HRK: variants seen among roughly 807,000 people sequenced by gnomAD.
The protein encoded by HRK is harakiri, BCL2 interacting protein.
In HRK, 6 loss-of-function variants were observed where a neutral mutation model predicts 5.9. The ratio of observed to expected loss-of-function variants is 1.02; its 90% confidence interval spans 0.56 to 2.01. The LOEUF (loss-of-function observed/expected upper bound fraction) is 2.01. HRK is among the 30% of genes most tolerant of loss of function. The pLI is 0.00. For missense variants in HRK, 133 were observed against 128.3 expected (o/e 1.04, Z -0.18); for synonymous variants, 85 against 65.1 (o/e 1.31, Z -1.47).
chr12:116,864,565 A>T (rs1388072397), intron 1 of HRK, among the ~76,000 whole-genome samples: 1 of 152,188 alleles, frequency 6.6e-6, no homozygotes, highest in African/African-American at 2.4e-5. Context: ...GGAAAAAGGA[A>T]GCGTGGCTTA....
rs1282909686 is a variant in HRK, at chr12:116,859,613, T to C, written c.*1910A>G. 6.6e-6 allele frequency: 1 copy of C among 150,492 alleles called. No homozygotes were observed. Among genetic ancestry groups the C allele is most frequent in the Non-Finnish European group, 1.5e-5 (1 of 67,762 alleles). 9.3% of individuals were successfully genotyped at this position (150,492 alleles called of 1,614,324 possible). ...GGCACGAGTAATGAGGAGAAACACGTTCTCCCAAAATAAGCATTATTCTTC... is the reference window on the plus strand; with the variant it reads ...GGCACGAGTAATGAGGAGAAACACGCTCTCCCAAAATAAGCATTATTCTTC... On this transcript the variant is annotated 3_prime_UTR_variant, in exon 2 of 2. Transcript: ENST00000257572.
At chr12:116,870,069 G>C (rs1342565420) in intron 1 of HRK, among the ~76,000 whole-genome samples, 1 of 151,334 alleles carries the variant, frequency 6.6e-6, no homozygotes, top group Non-Finnish European at 1.5e-5. Context: ...AACAGAGTGA[G>C]ACTCCATCTA....
At chr12:116,873,790 A>G (rs1878839746) in intron 1 of HRK, among the ~76,000 whole-genome samples, 1 of 152,176 alleles carries the variant, frequency 6.6e-6, no homozygotes, top group Non-Finnish European at 1.5e-5. Context: ...GAAAGCAGCC[A>G]TCTTGGATAA....
intron 1 of HRK, among the ~76,000 whole-genome samples, chr12:116,873,561 T>C (rs1301269591): frequency 6.6e-6 from 1 of 151,790 alleles, no homozygotes; most frequent in East Asian, 1.9e-4. Context: ...TTTGTAGAGA[T>C]GGGGTCTCAC....
In HRK at chr12:116,878,591, C is replaced by A. The variant is rs1879022963; in HGVS notation, c.*56+2385G>T. The stretch of plus-strand genomic sequence containing the variant: ...AGGGCCAGTGCAGGGAGCCCGAGCA[C>A]TGAGAACCCGGCCTGGGAGCGCAGG... On this transcript the variant is annotated intron_variant, in intron 1 of 1. Coordinates refer to ENST00000257572, the MANE Select transcript of HRK (RefSeq NM_003806.4). The surrounding 1 kb of genome is among the most constrained non-coding windows in gnomAD (Gnocchi z 4.4). The A allele has an allele frequency of 6.5e-6, 1 of 152,676 alleles. No homozygotes were observed. The highest frequency in any genetic ancestry group is 1.5e-5 in the Non-Finnish European group (1 of 68,428). The allele number at this position is 152,676 out of a possible 1,614,324, so 9.5% of individuals were successfully genotyped here. A position where few individuals can be genotyped will look rare whatever the true frequency, so the allele number is the denominator to read the frequency against.
In HRK at chr12:116,860,235, GAGTCTTTGCAGCCA is replaced by G; in HGVS notation, c.*1274_*1287del. 1 of 152,322 alleles carries G rather than the reference GAGTCTTTGCAGCCA, an allele frequency of 6.6e-6. No individual in the cohort carries two copies. The highest frequency in any genetic ancestry group is 6.5e-5 in the Admixed American group (1 of 15,288). 9.4% of individuals were successfully genotyped at this position (152,322 alleles called of 1,614,324 possible). A position where few individuals can be genotyped will look rare whatever the true frequency, so the allele number is the denominator to read the frequency against. On this transcript the variant is annotated 3_prime_UTR_variant, in exon 2 of 2. Transcript: ENST00000257572. Reference sequence around the variant, plus strand: ...CAAAAAATAATCACTGCTCCCTGAAGAGTCTTTGCAGCCAAGTCTCCGTCCAGCACACATCTTTT... The same window carrying G: ...CAAAAAATAATCACTGCTCCCTGAAGAGTCTCCGTCCAGCACACATCTTTT...
intron 1 of HRK, among the ~76,000 whole-genome samples, chr12:116,870,612 A>G (rs1332654814): frequency 6.6e-6 from 1 of 152,192 alleles, no homozygotes; most frequent in East Asian, 1.9e-4. Flanking sequence ...CAGGAGTTCC[A>G]GACCAGACTG....
chr12:116,859,529 A>G lies in HRK; in HGVS notation c.*1994T>C, dbSNP rs1422875058. 1 of 152,116 alleles carries G rather than the reference A, an allele frequency of 6.6e-6. No individual in the cohort carries two copies. Among genetic ancestry groups the G allele is most frequent in the Non-Finnish European group, 1.5e-5 (1 of 68,016 alleles). 9.4% of individuals were successfully genotyped at this position (152,116 alleles called of 1,614,324 possible). On this transcript the variant is annotated 3_prime_UTR_variant, in exon 2 of 2. Transcript: ENST00000257572. ...TCGTAGCTTTGTGGGAATATTACCCACTGCTCTCTGCAGTCCCCAGCTAAG... is the reference window on the plus strand; with the variant it reads ...TCGTAGCTTTGTGGGAATATTACCCGCTGCTCTCTGCAGTCCCCAGCTAAG...
chr12:116,868,823 G>A (rs1878639670), intron 1 of HRK, among the ~76,000 whole-genome samples: 1 of 152,186 alleles, frequency 6.6e-6, no homozygotes, highest in Non-Finnish European at 1.5e-5. Context: ...TCCCAGCCCT[G>A]TCAGAGTGGC....
In HRK at chr12:116,881,153, C is replaced by T; in HGVS notation, c.155G>A (p.Arg52His). The change falls in exon 1 of 2, where the codon CGC (arginine) becomes CAC (histidine). Residue 52 changes from arginine to histidine, a missense_variant. Coordinates refer to ENST00000257572, the MANE Select transcript of HRK (RefSeq NM_003806.4). ...DELHQRTMWR[R>H]RARSRRAPAP... ...CGGCGCCCTCCGGCTCCGCGCGCGGCGCCGCCACATGGTGCGCTGGTGCAG... is the reference window on the plus strand; with the variant it reads ...CGGCGCCCTCCGGCTCCGCGCGCGGTGCCGCCACATGGTGCGCTGGTGCAG... 8.5e-7 allele frequency: 1 copy of T among 1,182,988 alleles called. No individual in the cohort carries two copies. The highest frequency in any genetic ancestry group is 1.0e-6 in the Non-Finnish European group (1 of 958,312). 73.3% of individuals were successfully genotyped at this position (1,182,988 alleles called of 1,614,324 possible). A position where few individuals can be genotyped will look rare whatever the true frequency, so the allele number is the denominator to read the frequency against.
At chr12:116,864,962 G>A (rs1320726752) in intron 1 of HRK, among the ~76,000 whole-genome samples, 3 of 152,072 alleles carry the variant, frequency 2.0e-5, no homozygotes, top group South Asian at 2.1e-4. Flanking sequence ...GCCAAAACTC[G>A]TGGCTGAAGT....
chr12:116,878,143 T>C lies in HRK; in HGVS notation c.*56+2833A>G, dbSNP rs1349070113. The stretch of plus-strand genomic sequence containing the variant: ...GTTGGCCATGCTGGTCTCAAACTCC[T>C]GACCTCAGGTGATCCACCTGCCTTG... On this transcript the variant is annotated intron_variant, in intron 1 of 1. Coordinates refer to ENST00000257572, the MANE Select transcript of HRK (RefSeq NM_003806.4). This position sits in a 1 kb window ranked among gnomAD's most constrained non-coding sequence, Gnocchi z 4.4. 6.6e-6 allele frequency among the ~76,000 whole-genome samples: 1 copy of C among 152,232 alleles called. No homozygotes were observed. The highest frequency in any genetic ancestry group is 1.5e-5 in the Non-Finnish European group (1 of 68,038).
intron 1 of HRK, among the ~76,000 whole-genome samples, chr12:116,868,510 C>A (rs915637196): frequency 6.6e-6 from 1 of 152,148 alleles, no homozygotes; most frequent in Admixed American, 6.6e-5. Context: ...GCTATGTTTC[C>A]AGAACACAGA....
In HRK at chr12:116,881,175, G is replaced by A; in HGVS notation, c.133C>T (p.His45Tyr). ...ARLKALGDEL[H>Y]QRTMWRRRAR... Reference sequence around the variant, plus strand: ...CGGCGCCGCCACATGGTGCGCTGGTGCAGCTCGTCGCCTAGCGCCTTGAGC... The same window carrying A: ...CGGCGCCGCCACATGGTGCGCTGGTACAGCTCGTCGCCTAGCGCCTTGAGC... Residue 45 changes from histidine (H) to tyrosine (Y), a missense_variant, in exon 1 of 2, where the codon CAC (histidine) becomes TAC (tyrosine). Physicochemically the swap from His to Tyr is moderately conservative, Grantham distance 83 (BLOSUM62 2). Coordinates refer to ENST00000257572, the MANE Select transcript of HRK (RefSeq NM_003806.4). 2 of 1,165,464 alleles carry A rather than the reference G, an allele frequency of 1.7e-6. No individual in the cohort carries two copies. The highest frequency in any genetic ancestry group is 4.1e-5 in the South Asian group (1 of 24,368). 72.2% of individuals were successfully genotyped at this position (1,165,464 alleles called of 1,614,324 possible). A position where few individuals can be genotyped will look rare whatever the true frequency, so the allele number is the denominator to read the frequency against.
intron 1 of HRK, among the ~76,000 whole-genome samples, chr12:116,866,110 G>A (rs1271862129): frequency 6.9e-6 from 1 of 144,752 alleles, no homozygotes; most frequent in Non-Finnish European, 1.5e-5. Context: ...GTGAACTGAG[G>A]TGGTACCATT....
At chr12:116,868,796 C>T (rs1370615100) in intron 1 of HRK, among the ~76,000 whole-genome samples, 1 of 152,176 alleles carries the variant, frequency 6.6e-6, no homozygotes, top group Non-Finnish European at 1.5e-5. Context: ...GGCTGGGAAG[C>T]CCTGATCTAG....
At chr12:116,873,556 A>G (rs1400981491) in intron 1 of HRK, among the ~76,000 whole-genome samples, 1 of 151,686 alleles carries the variant, frequency 6.6e-6, no homozygotes. Context: ...TATTTTTTGT[A>G]GAGATGGGGT....
At chr12:116,865,698 G>A (rs374717382) in intron 1 of HRK, among the ~76,000 whole-genome samples, 6 of 152,108 alleles carry the variant, frequency 3.9e-5, no homozygotes, top group South Asian at 2.1e-4. Flanking sequence ...CAGTATTACC[G>A]GCTGGTTGTG....
intron 1 of HRK, among the ~76,000 whole-genome samples, chr12:116,875,034 A>C (rs552503272): frequency 6.6e-6 from 1 of 152,320 alleles, no homozygotes; most frequent in East Asian, 1.9e-4. Flanking sequence ...CTCAGATCAA[A>C]ACTATTGGAA....
Sources: gnomAD v4.1 joint callset for allele counts (sites outside exome capture counted in the v4.1 genomes callset) on GRCh38, gnomAD v4.1.1 for gene constraint, Gnocchi (gnomAD v3.1) non-coding constraint, MANE v1.5 for transcripts, NCBI Gene and HGNC (gene_info 2026-07-23, HGNC 2026-07-21) for gene names.